SECTM1: variants seen among roughly 807,000 people sequenced by gnomAD.
SECTM1 encodes the protein secreted and transmembrane protein 1.
Under a neutral mutation model 18.1 loss-of-function variants are expected in SECTM1, and 10 were observed. The observed-to-expected ratio is 0.55, with a 90% CI of 0.34 to 0.94. The LOEUF (loss-of-function observed/expected upper bound fraction) is 0.94. SECTM1 is among the 40% of genes least tolerant of loss of function. The pLI, the probability that SECTM1 is intolerant of heterozygous loss-of-function variation, is 0.02. For synonymous variants in SECTM1, 137 were observed against 139.2 expected (o/e 0.98, Z 0.11); for missense variants, 297 against 322.6 (o/e 0.92, Z 0.61).
chr17:82,321,719 G>A lies in SECTM1; in HGVS notation c.*442C>T, dbSNP rs1248206819. ...CCCCCAAAGCCTGCTCATAGCCAAG[G>A]GACAGGTATGTGGCCAAGGCCCCCC... On this transcript the variant is annotated 3_prime_UTR_variant, in exon 5 of 5. Transcript: ENST00000269389. 6.1e-6 allele frequency: 1 copy of A among 164,598 alleles called. No homozygotes were observed. The highest frequency in any genetic ancestry group is 2.4e-5 in the African/African-American group (1 of 41,590). 10.2% of individuals were successfully genotyped at this position (164,598 alleles called of 1,614,324 possible).
rs2052213413 is a variant in SECTM1, at chr17:82,333,742, CGCGCCCCGGA to C, written c.-105_-96del. On this transcript the variant is annotated 5_prime_UTR_variant, in exon 1 of 5. Transcript: ENST00000269389. Reference sequence around the variant, plus strand: ...GCGCTCCTCTGGGATGCAGCTTCTCCGCGCCCCGGAGCCCCAGGAAAATGAAAGACACGAG... The same window carrying C: ...GCGCTCCTCTGGGATGCAGCTTCTCCGCCCCAGGAAAATGAAAGACACGAG... 6.6e-6 allele frequency: 1 copy of C among 152,586 alleles called. No homozygotes were observed. Among genetic ancestry groups the C allele is most frequent in the Admixed American group, 6.5e-5 (1 of 15,306 alleles). 9.5% of individuals were successfully genotyped at this position (152,586 alleles called of 1,614,324 possible). A position where few individuals can be genotyped will look rare whatever the true frequency, so the allele number is the denominator to read the frequency against.
rs1163662507 is a variant in SECTM1 at position 82,328,558 on chromosome 17, G to A, written c.-52-1266C>T. On this transcript the variant is annotated intron_variant, in intron 1 of 4. Transcript: ENST00000269389. The surrounding 1 kb of genome is among the most constrained non-coding windows in gnomAD (Gnocchi z 5.8). The stretch of plus-strand genomic sequence containing the variant: ...CCTAACTCAGTCAGTCCCGCCGGTG[G>A]GGTCTGGGCCGATGCCTGGGCTGGT... The A allele has an allele frequency of 1.3e-5, 2 of 152,326 alleles. No homozygotes were observed. The highest frequency in any genetic ancestry group is 2.4e-5 in the African/African-American group (1 of 41,468). The allele number at this position is 152,326 out of a possible 1,614,324, so 9.4% of individuals were successfully genotyped here.
In SECTM1 at chr17:82,326,800, G is replaced by T. The variant is rs1407933199; in HGVS notation, c.94+347C>A. On this transcript the variant is annotated intron_variant, in intron 2 of 4. Coordinates refer to ENST00000269389, the MANE Select transcript of SECTM1 (RefSeq NM_003004.3). This position sits in a 1 kb window ranked among gnomAD's most constrained non-coding sequence, Gnocchi z 4.3. ...CTGTCTGTTCCCGGCCATGGCACAGGTCGCAACTGACCCAGACCCTCTCCC... is the reference window on the plus strand; with the variant it reads ...CTGTCTGTTCCCGGCCATGGCACAGTTCGCAACTGACCCAGACCCTCTCCC... Among the ~76,000 whole-genome samples, 1 of 151,278 alleles carries T rather than the reference G, an allele frequency of 6.6e-6. No individual in the cohort carries two copies. The highest frequency in any genetic ancestry group is 1.5e-5 in the Non-Finnish European group (1 of 67,798).
intron 4 of SECTM1, among the ~76,000 whole-genome samples, 165 bp from the exon 5 acceptor site, chr17:82,322,535 A>G (rs567048471): frequency 1.3e-5 from 2 of 152,012 alleles, no homozygotes; most frequent in Admixed American, 6.6e-5. Flanking sequence ...TGGAGGTTGA[A>G]CCCACTCCCC....
chr17:82,331,944 A>G (rs1256940946), intron 1 of SECTM1, among the ~76,000 whole-genome samples: 5 of 152,200 alleles, frequency 3.3e-5, no homozygotes, highest in Non-Finnish European at 5.9e-5. Flanking sequence ...GTTTGAGACC[A>G]GTCTGAACAA....
Position 82,321,993 on chromosome 17 carries a change from G to T in SECTM1, c.*168C>A, listed in dbSNP as rs1020212494. 10 of 601,632 alleles carry T rather than the reference G, an allele frequency of 1.7e-5. 1 individual carries two copies. The Admixed American group carries it at 1.8e-4, about 11-fold the overall frequency. The allele number at this position is 601,632 out of a possible 1,614,324, so 37.3% of individuals were successfully genotyped here. ...GAAGCAGAGCTTGGAAGACCTGGGG[G>T]GTGGAGGGGAAGGGTCTGCACGCAC... On this transcript the variant is annotated 3_prime_UTR_variant, in exon 5 of 5. Transcript: ENST00000269389.
chr17:82,323,615 C>T (rs1169165220), intron 3 of SECTM1, among the ~76,000 whole-genome samples: 1 of 150,928 alleles, frequency 6.6e-6, no homozygotes, highest in Non-Finnish European at 1.5e-5. Flanking sequence ...GGTGGCCGCT[C>T]AGGGCCTAGG....
rs761460302 is a variant in SECTM1, at chr17:82,329,741, C to T, written c.-52-2449G>A. Among the ~76,000 whole-genome samples the T allele has an allele frequency of 9.2e-5, 14 of 152,108 alleles. No individual in the cohort carries two copies. The highest frequency in any genetic ancestry group is 1.8e-4 in the Non-Finnish European group (12 of 67,992). On this transcript the variant is annotated intron_variant, in intron 1 of 4. Coordinates refer to ENST00000269389, the MANE Select transcript of SECTM1 (RefSeq NM_003004.3). This position sits in a 1 kb window ranked among gnomAD's most constrained non-coding sequence, Gnocchi z 7.6. ...GCTCCAGGCGGAATCTGTCCCTCTC[C>T]GTCTCCAGCGTCCAGAGGCATCCGC...
Position 82,327,293 on chromosome 17 carries a change from C to T in SECTM1, c.-52-1G>A. 6.7e-7 allele frequency: 1 copy of T among 1,497,422 alleles called. No homozygotes were observed. The highest frequency in any genetic ancestry group is 9.1e-7 in the Non-Finnish European group (1 of 1,096,530). The allele number at this position is 1,497,422 out of a possible 1,614,324, so 92.8% of individuals were successfully genotyped here. On this transcript the variant is annotated splice_acceptor_variant, in intron 1 of 4. Coordinates refer to ENST00000269389, the MANE Select transcript of SECTM1 (RefSeq NM_003004.3). LOFTEE classifies it low-confidence loss of function (5UTR_SPLICE). ...TTGTCACTGGCTCTTGAAACACTCC[C>T]TGGAGGAAGGAAAGCCCATGGGTCA...
Position 82,325,906 on chromosome 17 carries a change from C to A in SECTM1, c.95-1016G>T, listed in dbSNP as rs1032188540. ...CCACATTTCACCAAATACAAAACCACATGGTGGGTGCCATGTGCTGGCAAG... is the reference window on the plus strand; with the variant it reads ...CCACATTTCACCAAATACAAAACCAAATGGTGGGTGCCATGTGCTGGCAAG... On this transcript the variant is annotated intron_variant, in intron 2 of 4. Transcript: ENST00000269389. The surrounding 1 kb of genome is among the most constrained non-coding windows in gnomAD (Gnocchi z 7.6). Among the ~76,000 whole-genome samples the A allele has an allele frequency of 6.6e-6, 1 of 152,240 alleles. No homozygotes were observed. The highest frequency in any genetic ancestry group is 2.4e-5 in the African/African-American group (1 of 41,464).
chr17:82,332,658 C>T (rs769302535), intron 1 of SECTM1, among the ~76,000 whole-genome samples: 1 of 152,188 alleles, frequency 6.6e-6, no homozygotes, highest in African/African-American at 2.4e-5. Flanking sequence ...ACGGTGTGGA[C>T]GGCTCTGCCC....
chr17:82,324,500 G>GCCCCCC, intron 3 of SECTM1, 82 bp downstream of exon 3: 1 of 1,203,500 alleles, frequency 8.3e-7, no homozygotes, highest in Non-Finnish European at 1.1e-6. Flanking sequence ...CTCAGTCTCA[G>GCCCCCC]CCCTCCCCCT....
chr17:82,323,961 T>C (rs1266739187), intron 3 of SECTM1, among the ~76,000 whole-genome samples: 1 of 134,040 alleles, frequency 7.5e-6, no homozygotes, highest in Non-Finnish European at 1.6e-5. Flanking sequence ...CTTGTCGAGG[T>C]GGACAACATG....
chr17:82,328,107 C>T lies in SECTM1; in HGVS notation c.-52-815G>A, dbSNP rs2052163192. 6.6e-6 allele frequency: 1 copy of T among 151,186 alleles called. No homozygotes were observed. Among genetic ancestry groups the T allele is most frequent in the Non-Finnish European group, 1.5e-5 (1 of 67,832 alleles). 9.4% of individuals were successfully genotyped at this position (151,186 alleles called of 1,614,324 possible). On this transcript the variant is annotated intron_variant, in intron 1 of 4. Transcript: ENST00000269389. The surrounding 1 kb of genome is among the most constrained non-coding windows in gnomAD (Gnocchi z 5.8). ...TCCATCGTTTACACCTCTGTGTGTT[C>T]CTAATGCGCAAGTCAGCTTTACCTC...
At chr17:82,323,956 C>A (rs948262458) in intron 3 of SECTM1, among the ~76,000 whole-genome samples, 9 of 146,398 alleles carry the variant, frequency 6.1e-5, no homozygotes, top group Admixed American at 2.0e-4. Flanking sequence ...AGGTGCTTGT[C>A]GAGGTGGACA....
chr17:82,322,821 G>A, intron 4 of SECTM1, 57 bp downstream of exon 4: 10 of 1,596,714 alleles, frequency 6.3e-6, no homozygotes, highest in Middle Eastern at 1.7e-4. Flanking sequence ...CCTCAGCCTG[G>A]GGCAGCCCCA....
intron 3 of SECTM1, 48 bp downstream of exon 3, chr17:82,324,532 CGT>C: frequency 2.8e-6 from 3 of 1,079,974 alleles, no homozygotes; most frequent in Admixed American, 2.2e-5. Context: ...CTCCCCTCCC[CGT>C]GTCCCCTCTC....
chr17:82,323,991 C>T (rs1249474589), intron 3 of SECTM1, among the ~76,000 whole-genome samples: 4 of 148,516 alleles, frequency 2.7e-5, no homozygotes, highest in South Asian at 2.2e-4. Flanking sequence ...GTGGGAGGGG[C>T]GGGGCAGGAC....
chr17:82,324,619 G>A lies in SECTM1; in HGVS notation c.366C>T (p.His122=), dbSNP rs779849119. The change falls in exon 3 of 5, where the codon CAC becomes CAT. Residue 122 remains histidine (H), a synonymous_variant. Coordinates refer to ENST00000269389, the MANE Select transcript of SECTM1 (RefSeq NM_003004.3). ...AGLYMWHLVG[H]QRNNRQVTLE... ...GCGTGACTTGTCTGTTATTTCTCTG[G>A]TGTCCCACGAGGTGCCACATGTACA... 6.2e-7 allele frequency: 1 copy of A among 1,611,140 alleles called. No individual in the cohort carries two copies. Among genetic ancestry groups the A allele is most frequent in the Admixed American group, 1.7e-5 (1 of 59,778 alleles).
Sources: allele counts gnomAD v4.1 joint callset (sites outside exome capture counted in the v4.1 genomes callset), GRCh38; gene constraint gnomAD v4.1.1; non-coding constraint Gnocchi (gnomAD v3.1); transcripts MANE v1.5; gene names NCBI Gene and HGNC (gene_info 2026-07-23, HGNC 2026-07-21).